The following SLCO3A1 variants were observed in gnomAD, a reference collection of about 807,000 sequenced individuals.
The protein encoded by SLCO3A1 is PGE1 transporter.
In SLCO3A1, 27 loss-of-function variants were observed where a neutral mutation model predicts 63.1. The observed-to-expected ratio is 0.43, with a 90% CI of 0.32 to 0.59. SLCO3A1 has a LOEUF of 0.59. Among genes scored for constraint, SLCO3A1 ranks in the 20% least tolerant of loss-of-function variants. The pLI, the probability that SLCO3A1 is intolerant of heterozygous loss-of-function variation, is 0.09. For synonymous variants in SLCO3A1, 473 were observed against 409.9 expected, an observed-to-expected ratio of 1.15 and a Z score of -1.86; for missense variants, 773 against 945.8, an observed-to-expected ratio of 0.82 and a Z score of 2.40.
intron 2 of SLCO3A1, among the ~76,000 whole-genome samples, chr15:92,014,630 C>T (rs992987751): frequency 6.6e-6 from 1 of 152,132 alleles, no homozygotes; most frequent in Admixed American, 6.5e-5. Context: ...TCCACTTGTC[C>T]ACTAAAACAC....
chr15:91,910,095 C>G (rs1898438010), intron 1 of SLCO3A1, among the ~76,000 whole-genome samples: 2 of 152,208 alleles, frequency 1.3e-5, no homozygotes, highest in African/African-American at 2.4e-5. Context: ...ACTCACAGTT[C>G]TCTGAAGCCA....
intron 1 of SLCO3A1, among the ~76,000 whole-genome samples, chr15:91,867,179 T>C (rs1313772194): frequency 6.6e-6 from 1 of 152,200 alleles, no homozygotes; most frequent in African/African-American, 2.4e-5. Flanking sequence ...CTGCCCCTGC[T>C]CCCCTGCTTT....
rs369577690 is a variant in SLCO3A1, at chr15:92,115,024, G to C, written c.1010-5441G>C. ...TGCATTAGCTTCATCTCCCCTTCTT[G>C]GGAGCCGTGACAGTGGTGTGTTGAC... On this transcript the variant is annotated intron_variant, in intron 4 of 9. Transcript: ENST00000318445. 8.2e-4 allele frequency among the ~76,000 whole-genome samples: 124 copies of C among 151,844 alleles called. 1 individual carries two copies. Among genetic ancestry groups the C allele is most frequent in the African/African-American group, 2.9e-3 (119 of 41,456 alleles).
intron 1 of SLCO3A1, among the ~76,000 whole-genome samples, chr15:91,891,529 T>C (rs976122174): frequency 2.6e-5 from 4 of 152,184 alleles, no homozygotes; most frequent in Non-Finnish European, 5.9e-5. Flanking sequence ...CCCTCTTACG[T>C]AGGGGTTCTA....
intron 2 of SLCO3A1, among the ~76,000 whole-genome samples, chr15:92,091,823 C>T (rs752644942): frequency 6.6e-5 from 10 of 152,208 alleles, no homozygotes; most frequent in South Asian, 2.1e-4. Context: ...CTATCAACTC[C>T]GTCCTGTTCC....
At chr15:91,991,545 C>T (rs951361088) in intron 2 of SLCO3A1, among the ~76,000 whole-genome samples, 4 of 152,170 alleles carry the variant, frequency 2.6e-5, no homozygotes, top group Admixed American at 1.3e-4. Flanking sequence ...ATACGCAAGA[C>T]ATTTGAGTGA....
rs1900105842 is a variant in SLCO3A1, at chr15:91,954,553, T to C, written c.646+38095T>C. Among the ~76,000 whole-genome samples the C allele has an allele frequency of 6.6e-6, 1 of 152,116 alleles. No homozygotes were observed. The highest frequency in any genetic ancestry group is 1.5e-5 in the Non-Finnish European group (1 of 68,030). On this transcript the variant is annotated intron_variant, in intron 2 of 9. Coordinates refer to ENST00000318445, the MANE Select transcript of SLCO3A1 (RefSeq NM_013272.4). The surrounding 1 kb of genome is among the most constrained non-coding windows in gnomAD (Gnocchi z 4.7). ...CTACCTGGTCAGGTGCCCCGCAGGC[T>C]TTCCTGAGAAGTGAATCCAGGCGCA... is the stretch of plus-strand genomic sequence containing the variant.
intron 7 of SLCO3A1, 75 bp downstream of exon 7, chr15:92,128,564 G>A: frequency 7.3e-7 from 1 of 1,378,526 alleles, no homozygotes; most frequent in Non-Finnish European, 9.8e-7. Flanking sequence ...TTTTTGCCCA[G>A]GTTGTTCGCC....
intron 7 of SLCO3A1, among the ~76,000 whole-genome samples, chr15:92,141,684 C>T (rs972791861): frequency 4.6e-5 from 7 of 152,204 alleles, no homozygotes; most frequent in Non-Finnish European, 7.3e-5. Flanking sequence ...CATCTCTCTG[C>T]ACTCTGGGAA....
rs77975862 is a variant in SLCO3A1, at chr15:91,897,047, G to A, written c.181-18946G>A. ...CTTTTGTGATCTTTAGTTGCCTCTA[G>A]AAAATGGAGATGATAATGCCATTTT... On this transcript the variant is annotated intron_variant, in intron 1 of 9. Coordinates refer to ENST00000318445, the MANE Select transcript of SLCO3A1 (RefSeq NM_013272.4). This position sits in a 1 kb window ranked among gnomAD's most constrained non-coding sequence, Gnocchi z 4.7. Among the ~76,000 whole-genome samples the A allele has an allele frequency of 0.035, 5,326 of 152,224 alleles. 127 individuals are homozygous for A. Among genetic ancestry groups the A allele is most frequent in the Middle Eastern group, 0.082 (24 of 294 alleles).
intron 2 of SLCO3A1, among the ~76,000 whole-genome samples, chr15:92,057,876 A>T (rs1265636570): frequency 6.6e-6 from 1 of 152,208 alleles, no homozygotes; most frequent in Non-Finnish European, 1.5e-5. Context: ...AGCTTTGATG[A>T]TGGTTAATAA....
intron 2 of SLCO3A1, among the ~76,000 whole-genome samples, chr15:92,065,987 A>C (rs951074697): frequency 6.6e-6 from 1 of 152,226 alleles, no homozygotes; most frequent in African/African-American, 2.4e-5. Flanking sequence ...CTTAGATGGA[A>C]AGTAGTGAGC....
intron 5 of SLCO3A1, among the ~76,000 whole-genome samples, chr15:92,123,206 C>A (rs1274258492): frequency 6.6e-6 from 1 of 152,104 alleles, no homozygotes; most frequent in Admixed American, 6.6e-5. Flanking sequence ...GGGTGGATCA[C>A]CTGAGGTCAA....
Position 92,164,202 on chromosome 15 carries a change from A to G in SLCO3A1, c.*1067A>G, listed in dbSNP as rs1312851096. 8 of 985,084 alleles carry G rather than the reference A, an allele frequency of 8.1e-6. No individual in the cohort carries two copies. Among genetic ancestry groups the G allele is most frequent in the African/African-American group, 5.2e-5 (3 of 57,184 alleles). The allele number at this position is 985,084 out of a possible 1,614,324, so 61.0% of individuals were successfully genotyped here. On this transcript the variant is annotated 3_prime_UTR_variant, in exon 10 of 10. Transcript: ENST00000318445. ...CTTTTACTTTTTTTCTCCTTTTTTA[A>G]TGCACCAAAAATATGTGATACAAGG...
At chr15:91,903,624 A>G (rs1898216785) in intron 1 of SLCO3A1, among the ~76,000 whole-genome samples, 1 of 152,152 alleles carries the variant, frequency 6.6e-6, no homozygotes, top group Non-Finnish European at 1.5e-5. Context: ...CAGTGGACAC[A>G]GCTAGGGTGA....
At chr15:91,970,769 C>T (rs1900829686) in intron 2 of SLCO3A1, among the ~76,000 whole-genome samples, 1 of 152,112 alleles carries the variant, frequency 6.6e-6, no homozygotes, top group African/African-American at 2.4e-5. Context: ...TGAAGTTTTC[C>T]TTCTGACAGG....
intron 10 of SLCO3A1, chr15:92,171,534 G>A (rs1269340190): frequency 4.3e-6 from 2 of 463,760 alleles, no homozygotes; most frequent in Non-Finnish European, 7.8e-6. Context: ...TGGCTGTGGG[G>A]TTGGTCATGT....
chr15:92,152,437 C>CCTAAGT (rs1174531311), intron 9 of SLCO3A1, among the ~76,000 whole-genome samples: 2 of 152,214 alleles, frequency 1.3e-5, no homozygotes, highest in African/African-American at 4.8e-5. Context: ...ATGGCATTGT[C>CCTAAGT]CTAAGTCTAA....
intron 7 of SLCO3A1, among the ~76,000 whole-genome samples, chr15:92,130,183 T>G (rs1461320436): frequency 6.6e-6 from 1 of 152,198 alleles, no homozygotes; most frequent in Non-Finnish European, 1.5e-5. Flanking sequence ...AAATTGCATT[T>G]CCCCTGATCT....
Sources: allele counts gnomAD v4.1 joint callset (sites outside exome capture counted in the v4.1 genomes callset), GRCh38; gene constraint gnomAD v4.1.1; non-coding constraint Gnocchi (gnomAD v3.1); transcripts MANE v1.5; gene names NCBI Gene and HGNC (gene_info 2026-07-23, HGNC 2026-07-21).